Variants in NDFIP1 observed in about 807,000 individuals in gnomAD.
NDFIP1 encodes the protein NEDD4 family-interacting protein 1.
NDFIP1 carries 7 observed loss-of-function variants against 28.8 expected under a neutral mutation model. The ratio of observed to expected loss-of-function variants is 0.24; its 90% CI spans 0.14 to 0.46. The LOEUF (loss-of-function observed/expected upper bound fraction) is 0.46. Among genes scored for constraint, NDFIP1 ranks in the 20% least tolerant of loss-of-function variants. The pLI is 0.99. For missense variants in NDFIP1, 194 were observed against 269.1 expected (o/e 0.72, Z 1.95); for synonymous variants, 92 against 101.0 (o/e 0.91, Z 0.53).
chr5:142,138,136 G>A, intron 5 of NDFIP1: 1 of 228,170 alleles, frequency 4.4e-6, no homozygotes, highest in South Asian at 1.1e-4. Flanking sequence ...TAATGTATAT[G>A]TTCTGAAATT....
chr5:142,126,206 A>G (rs747468322), intron 1 of NDFIP1, among the ~76,000 whole-genome samples: 30 of 152,202 alleles, frequency 2.0e-4, no homozygotes, highest in Non-Finnish European at 3.8e-4. Flanking sequence ...TTTTGTAATT[A>G]TACTGCCTTG....
chr5:142,129,664 C>A (rs898065505), intron 1 of NDFIP1, among the ~76,000 whole-genome samples: 1 of 152,048 alleles, frequency 6.6e-6, no homozygotes, highest in East Asian at 1.9e-4. Flanking sequence ...CAATGGCTCA[C>A]GCCTGTAATT....
chr5:142,150,271 T>C (rs1196122340), intron 7 of NDFIP1, among the ~76,000 whole-genome samples: 1 of 151,946 alleles, frequency 6.6e-6, no homozygotes, highest in Non-Finnish European at 1.5e-5. Context: ...AACATTCATT[T>C]AATATTCATC....
intron 1 of NDFIP1, among the ~76,000 whole-genome samples, chr5:142,128,195 C>T (rs974756732): frequency 6.6e-5 from 10 of 152,088 alleles, no homozygotes; most frequent in African/African-American, 7.2e-5. Flanking sequence ...AAATTGGACT[C>T]GGGCTTCCAC....
chr5:142,131,931 A>G (rs1757232077), intron 2 of NDFIP1, 36 bp downstream of exon 2: 2 of 1,521,112 alleles, frequency 1.3e-6, no homozygotes, highest in Non-Finnish European at 1.8e-6. Flanking sequence ...GGAATCCTTA[A>G]AAACACTCTG....
At chr5:142,132,796 G>A (rs745949528) in intron 3 of NDFIP1, among the ~76,000 whole-genome samples, 17 of 152,354 alleles carry the variant, frequency 1.1e-4, no homozygotes, top group Middle Eastern at 3.4e-3. Context: ...CATGTCATTT[G>A]TGGGGACATA....
chr5:142,129,351 G>A (rs981970593), intron 1 of NDFIP1, among the ~76,000 whole-genome samples: 1 of 152,086 alleles, frequency 6.6e-6, no homozygotes, highest in African/African-American at 2.4e-5. Flanking sequence ...TCCTAGTTCG[G>A]TGTCCCAGGA....
At chr5:142,150,582 G>A (rs1044643522) in intron 7 of NDFIP1, among the ~76,000 whole-genome samples, 1 of 151,864 alleles carries the variant, frequency 6.6e-6, no homozygotes, top group Non-Finnish European at 1.5e-5. Flanking sequence ...AGAAGACACC[G>A]GGCATAGTGG....
intron 5 of NDFIP1, chr5:142,138,252 C>G (rs1277876517): frequency 1.3e-5 from 2 of 154,806 alleles, no homozygotes; most frequent in African/African-American, 4.8e-5. Flanking sequence ...CTCTCTTCTT[C>G]CTTCTTTTCT....
At chr5:142,147,733 T>C (rs1178418115) in intron 7 of NDFIP1, among the ~76,000 whole-genome samples, 3 of 152,224 alleles carry the variant, frequency 2.0e-5, no homozygotes, top group Non-Finnish European at 4.4e-5. Flanking sequence ...CAGTGATTCT[T>C]CTAGGGAGAT....
At chr5:142,117,837 C>G (rs895345879) in intron 1 of NDFIP1, among the ~76,000 whole-genome samples, 1 of 149,988 alleles carries the variant, frequency 6.7e-6, no homozygotes, top group Non-Finnish European at 1.5e-5. Flanking sequence ...TCTTCTTAAC[C>G]TTTCCTTGGC....
At chr5:142,120,525 A>G (rs1757113149) in intron 1 of NDFIP1, among the ~76,000 whole-genome samples, 1 of 152,126 alleles carries the variant, frequency 6.6e-6, no homozygotes, top group Non-Finnish European at 1.5e-5. Flanking sequence ...GTTGCTTGTA[A>G]GTTTTTTTGC....
chr5:142,144,621 A>G lies in NDFIP1; in HGVS notation c.613A>G (p.Met205Val). 1.2e-6 allele frequency: 2 copies of G among 1,613,366 alleles called. No individual in the cohort carries two copies. Among genetic ancestry groups the G allele is most frequent in the Non-Finnish European group, 1.7e-6 (2 of 1,179,666 alleles). Residue 205 changes from methionine (M) to valine (V), a missense_variant, in exon 7 of 8, where the codon ATG becomes GTG. By Grantham distance (21) the Met-to-Val change is conservative (BLOSUM62 1). Transcript: ENST00000253814. ...GFINYAKVRK[M>V]PETFSNLPRT... ...TATCAATTATGCAAAAGTTCGGAAG[A>G]TGCCAGAAACTTTCTCAAATCTCCC...
At chr5:142,135,001 C>T (rs1284448606) in intron 3 of NDFIP1, among the ~76,000 whole-genome samples, 4 of 151,416 alleles carry the variant, frequency 2.6e-5, no homozygotes, top group South Asian at 2.1e-4. Flanking sequence ...TTTTTTGAGA[C>T]GGAGTCTCAC....
intron 3 of NDFIP1, among the ~76,000 whole-genome samples, chr5:142,132,973 A>G (rs1386460951): frequency 6.6e-6 from 1 of 152,264 alleles, no homozygotes; most frequent in Non-Finnish European, 1.5e-5. Context: ...TGATGAAGGT[A>G]GGGCATTGTG....
chr5:142,114,950 C>A (rs1273160940), intron 1 of NDFIP1, among the ~76,000 whole-genome samples: 1 of 152,180 alleles, frequency 6.6e-6, no homozygotes, highest in Non-Finnish European at 1.5e-5. Flanking sequence ...TAGGGCAGTG[C>A]TTCCTGGTTT....
At chr5:142,118,018 C>T (rs181738161) in intron 1 of NDFIP1, among the ~76,000 whole-genome samples, 5 of 152,240 alleles carry the variant, frequency 3.3e-5, no homozygotes, top group Admixed American at 1.3e-4. Flanking sequence ...CACAGGCACA[C>T]GCCAGCACAC....
chr5:142,120,027 C>T (rs1411585806), intron 1 of NDFIP1, among the ~76,000 whole-genome samples: 1 of 152,208 alleles, frequency 6.6e-6, no homozygotes, highest in Non-Finnish European at 1.5e-5. Flanking sequence ...GCCATCTCAG[C>T]TCACTGCAAT....
chr5:142,117,494 A>G (rs1561598151), intron 1 of NDFIP1, among the ~76,000 whole-genome samples: 1 of 151,434 alleles, frequency 6.6e-6, no homozygotes, highest in East Asian at 2.0e-4. Flanking sequence ...ACCCGCCTCC[A>G]TCTCCCAAAG....
Sources: gnomAD v4.1 joint callset for allele counts (sites outside exome capture counted in the v4.1 genomes callset) on GRCh38, gnomAD v4.1.1 for gene constraint, MANE v1.5 for transcripts, NCBI Gene and HGNC (gene_info 2026-07-23, HGNC 2026-07-21) for gene names.